Variants in APBB2 observed in about 807,000 individuals in gnomAD.
APBB2 encodes the protein amyloid beta precursor protein binding family B member 2.
In APBB2, 38 loss-of-function variants were observed where a neutral mutation model predicts 82.5. That is an observed-to-expected ratio of 0.46 (90% confidence interval 0.36 to 0.60). APBB2 has a LOEUF of 0.60. APBB2 is among the 20% of genes least tolerant of loss of function. The pLI, the probability that APBB2 is intolerant of heterozygous loss-of-function variation, is 0.00. For synonymous variants in APBB2, 341 were observed against 368.2 expected, an observed-to-expected ratio of 0.93 and a Z score of 0.85; for missense variants, 772 against 972.3, an observed-to-expected ratio of 0.79 and a Z score of 2.74.
In APBB2 at chr4:41,153,005, T is replaced by C. The variant is rs142902490; in HGVS notation, c.-416-9863A>G. Among the ~76,000 whole-genome samples, 499 of 152,334 alleles carry C rather than the reference T, an allele frequency of 3.3e-3. 3 individuals carry two copies. The highest frequency in any genetic ancestry group is 0.011 in the African/African-American group (476 of 41,582). On this transcript the variant is annotated intron_variant, in intron 1 of 17. Transcript: ENST00000508593. ...AAATTTTGGAATATTCTGCAGAATA[T>C]ATACTTGCTATGCCTTCCTAATCCA...
rs2154292512 is a variant in APBB2, at chr4:40,816,378, AACAT to A, written c.2113-123_2113-120del. On this transcript the variant is annotated intron_variant, in intron 17 of 17. Transcript: ENST00000508593. ...CCAAAGGTTAACGACCTAGTTCCTA[AACAT>A]AAATCCAAGAGTTATTTTTCTCTGA... 1.7e-5 allele frequency: 17 copies of A among 1,027,782 alleles called. No homozygotes were observed. In the South Asian group the frequency reaches 2.5e-4, roughly 15 times the overall value. The allele number at this position is 1,027,782 out of a possible 1,614,324, so 63.7% of individuals were successfully genotyped here.
chr4:40,836,538 G>A (rs889461035), intron 12 of APBB2, among the ~76,000 whole-genome samples: 2 of 152,190 alleles, frequency 1.3e-5, no homozygotes, highest in South Asian at 2.1e-4. Context: ...GGCGACTGGG[G>A]AAGAAAGACA....
chr4:41,147,634 G>A (rs577876188), intron 1 of APBB2, among the ~76,000 whole-genome samples: 1 of 152,060 alleles, frequency 6.6e-6, no homozygotes, highest in South Asian at 2.1e-4. Flanking sequence ...GGGATTACAG[G>A]CGCGCACCAC....
chr4:41,044,529 T>C (rs879918058), intron 4 of APBB2, among the ~76,000 whole-genome samples: 1 of 152,230 alleles, frequency 6.6e-6, no homozygotes, highest in Non-Finnish European at 1.5e-5. Context: ...TAGGAGGAGC[T>C]CATGAGGAGC....
chr4:41,113,874 A>C (rs1750054927), intron 2 of APBB2: 1 of 152,152 alleles, frequency 6.6e-6, no homozygotes, highest in South Asian at 2.1e-4. Context: ...GCATCTCCTG[A>C]GATCAGGAGT....
intron 4 of APBB2, among the ~76,000 whole-genome samples, chr4:41,046,848 G>T (rs1050022896): frequency 6.6e-6 from 1 of 152,232 alleles, no homozygotes; most frequent in Admixed American, 6.5e-5. Flanking sequence ...GAAGGCTGAG[G>T]GGTAACACGG....
intron 10 of APBB2, among the ~76,000 whole-genome samples, chr4:40,895,999 G>C (rs772884440): frequency 6.6e-6 from 1 of 152,142 alleles, no homozygotes; most frequent in Non-Finnish European, 1.5e-5. Flanking sequence ...ATTTTTGTTG[G>C]GGGACAATGT....
intron 6 of APBB2, among the ~76,000 whole-genome samples, chr4:40,979,639 T>G (rs554416481): frequency 6.6e-6 from 1 of 152,248 alleles, no homozygotes; most frequent in Non-Finnish European, 1.5e-5. Context: ...TAAACTGCCA[T>G]GTACAAAAGG....
At chr4:41,170,693 CT>C (rs1172017084) in intron 1 of APBB2, among the ~76,000 whole-genome samples, 2 of 152,006 alleles carry the variant, frequency 1.3e-5, no homozygotes, top group Non-Finnish European at 2.9e-5. Flanking sequence ...TTAATGGGAC[CT>C]TAACTGGCAA....
chr4:41,033,319 T>A lies in APBB2; in HGVS notation c.-50-15A>T. ...TAATTTGAAATCTAAAAAGAAGGGA[T>A]CATTTGAGAAATTAAAACTCCAAAT... On this transcript the variant is annotated splice_polypyrimidine_tract_variant and intron_variant, in intron 4 of 17. Transcript: ENST00000508593. 2.0e-6 allele frequency: 3 copies of A among 1,500,710 alleles called. No individual in the cohort carries two copies. Among genetic ancestry groups the A allele is most frequent in the Non-Finnish European group, 2.7e-6 (3 of 1,104,768 alleles). The allele number at this position is 1,500,710 out of a possible 1,614,324, so 93.0% of individuals were successfully genotyped here. A position where few individuals can be genotyped will look rare whatever the true frequency, so the allele number is the denominator to read the frequency against.
At chr4:40,992,881 C>T (rs548191265) in intron 6 of APBB2, among the ~76,000 whole-genome samples, 6 of 152,262 alleles carry the variant, frequency 3.9e-5, no homozygotes, top group Non-Finnish European at 5.9e-5. Context: ...AGGATCTCTA[C>T]GTTGTGAAAC....
chr4:41,158,420 G>C (rs1764010178), intron 1 of APBB2, among the ~76,000 whole-genome samples: 2 of 152,210 alleles, frequency 1.3e-5, no homozygotes, highest in African/African-American at 4.8e-5. Context: ...AAGTCATTCT[G>C]GTTTGTTGAA....
At chr4:40,852,321 A>G (rs1759734696) in intron 12 of APBB2, among the ~76,000 whole-genome samples, 1 of 149,168 alleles carries the variant, frequency 6.7e-6, no homozygotes. Flanking sequence ...ACTGCACTCC[A>G]GCCTGGGTGA....
chr4:40,814,500 C>T lies in APBB2; in HGVS notation c.*1592G>A, dbSNP rs1439737182. ...TCTTAGGCCAGTGGGTTTAGCCTCTCGGTACTTCATATTTTTACTTCTAAA... is the reference window on the plus strand; with the variant it reads ...TCTTAGGCCAGTGGGTTTAGCCTCTTGGTACTTCATATTTTTACTTCTAAA... On this transcript the variant is annotated 3_prime_UTR_variant, in exon 18 of 18. Transcript: ENST00000508593. 5 of 152,080 alleles carry T rather than the reference C, an allele frequency of 3.3e-5. No individual in the cohort carries two copies. The highest frequency in any genetic ancestry group is 6.5e-5 in the Admixed American group (1 of 15,272). 9.4% of individuals were successfully genotyped at this position (152,080 alleles called of 1,614,324 possible).
At chr4:41,053,247 T>G (rs1354717182) in intron 4 of APBB2, among the ~76,000 whole-genome samples, 1 of 152,166 alleles carries the variant, frequency 6.6e-6, no homozygotes, top group African/African-American at 2.4e-5. Context: ...TGACTTCTAG[T>G]TTTTTTCCCA....
intron 1 of APBB2, among the ~76,000 whole-genome samples, chr4:41,153,786 G>A (rs997049559): frequency 3.9e-5 from 6 of 151,932 alleles, no homozygotes; most frequent in Non-Finnish European, 7.4e-5. Flanking sequence ...TTCGAGGAGG[G>A]GTTTAATTTT....
chr4:40,941,904 T>C (rs1787087196), intron 7 of APBB2, among the ~76,000 whole-genome samples: 1 of 152,156 alleles, frequency 6.6e-6, no homozygotes, highest in Non-Finnish European at 1.5e-5. Context: ...CCCAAAGAGC[T>C]GGGATTACAG....
intron 6 of APBB2, among the ~76,000 whole-genome samples, chr4:41,003,065 T>A (rs1805677414): frequency 6.6e-6 from 1 of 152,208 alleles, no homozygotes; most frequent in South Asian, 2.1e-4. Flanking sequence ...CCTCCAGAAC[T>A]GAGCCATACT....
intron 3 of APBB2, among the ~76,000 whole-genome samples, chr4:41,087,640 G>A (rs1740244649): frequency 6.6e-6 from 1 of 151,630 alleles, no homozygotes; most frequent in Admixed American, 6.6e-5. Flanking sequence ...ATGACGGCCA[G>A]TTGGTCTTAA....
Sources: gnomAD v4.1 joint callset for allele counts (sites outside exome capture counted in the v4.1 genomes callset) on GRCh38, gnomAD v4.1.1 for gene constraint, MANE v1.5 for transcripts, NCBI Gene and HGNC (gene_info 2026-07-23, HGNC 2026-07-21) for gene names.